The following ROBO2 variants were observed in gnomAD, a reference collection of about 807,000 sequenced individuals.
ROBO2 encodes roundabout guidance receptor 2.
ROBO2 carries 53 observed loss-of-function variants against 160.8 expected under a neutral mutation model. The observed-to-expected ratio is 0.33, with a 90% CI of 0.26 to 0.41. The LOEUF (loss-of-function observed/expected upper bound fraction) is 0.41, where lower values mean the gene tolerates loss of function less well. Among genes scored for constraint, ROBO2 ranks in the 10% least tolerant of loss-of-function variants. The probability of loss-of-function intolerance (pLI) is 1.00; values close to 1 mark genes in which losing one functional copy is unlikely to be tolerated. For missense variants in ROBO2, 1,577 were observed against 1,722.4 expected, an observed-to-expected ratio of 0.92 and a Z score of 1.49; for synonymous variants, 664 against 611.7, an observed-to-expected ratio of 1.09 and a Z score of -1.26.
upstream of ROBO2, among the ~76,000 whole-genome samples, chr3:77,038,751 G>A (rs1043989668): frequency 6.6e-6 from 1 of 152,190 alleles, no homozygotes; most frequent in African/African-American, 2.4e-5. Flanking sequence ...TTGATCTAAC[G>A]TGACCTTCCT....
intron 2 of ROBO2, among the ~76,000 whole-genome samples, chr3:76,070,685 T>C (rs2068423715): frequency 6.6e-6 from 1 of 152,296 alleles, no homozygotes; most frequent in East Asian, 1.9e-4. Context: ...TGCTGGTTTT[T>C]GTGGCTTGTT....
chr3:77,637,074 T>A (rs913328431), intron 24 of ROBO2, among the ~76,000 whole-genome samples: 1 of 152,192 alleles, frequency 6.6e-6, no homozygotes, highest in Non-Finnish European at 1.5e-5. Flanking sequence ...AGGATAAACT[T>A]TTAAAAACTG....
chr3:76,045,736 T>C (rs1328586332), intron 2 of ROBO2, among the ~76,000 whole-genome samples: 1 of 152,042 alleles, frequency 6.6e-6, no homozygotes, highest in African/African-American at 2.4e-5. Context: ...GCCACAGGTT[T>C]ATTTTGGAAA....
chr3:77,028,246 A>G (rs2063096709), intron 2 of ROBO2, among the ~76,000 whole-genome samples: 1 of 152,116 alleles, frequency 6.6e-6, no homozygotes, highest in African/African-American at 2.4e-5. Context: ...TCCACACAGT[A>G]TGTAGTGGAA....
At chr3:76,956,671 T>A (rs958956378) in intron 2 of ROBO2, among the ~76,000 whole-genome samples, 5 of 151,772 alleles carry the variant, frequency 3.3e-5, no homozygotes, top group African/African-American at 1.2e-4. Flanking sequence ...AGGAAGGACA[T>A]GGCAGAGAGA....
At position 75,988,132 on chromosome 3, in the gene ROBO2, A is replaced by G. The variant is rs80050162; in HGVS notation, c.109+50530A>G. The stretch of plus-strand genomic sequence containing the variant: ...TATAGTTCTTCTTTAAATGTTTAGT[A>G]TAATTCAGCAGTGAAGCTGTCAGGT... On this transcript the variant is annotated intron_variant, in intron 2 of 26. Coordinates refer to the ROBO2 transcript ENST00000487694. Among the ~76,000 whole-genome samples, 1,038 of 152,194 alleles carry G rather than the reference A, an allele frequency of 6.8e-3. 68 individuals are homozygous for G. The East Asian group carries it at 0.17, about 25-fold the overall frequency.
intron 2 of ROBO2, among the ~76,000 whole-genome samples, chr3:77,403,395 C>T (rs1334434941): frequency 1.2e-4 from 18 of 152,162 alleles, no homozygotes; most frequent in Admixed American, 1.2e-3. Context: ...CTGTTAACCA[C>T]CATTCTACTC....
At chr3:77,189,800 A>G (rs1380929292) in intron 2 of ROBO2, among the ~76,000 whole-genome samples, 1 of 151,960 alleles carries the variant, frequency 6.6e-6, no homozygotes, top group Non-Finnish European at 1.5e-5. Flanking sequence ...TGCTTTCTAT[A>G]TGCCAGATGC....
At chr3:76,199,112 G>A (rs1282685125) in intron 2 of ROBO2, among the ~76,000 whole-genome samples, 1 of 152,046 alleles carries the variant, frequency 6.6e-6, no homozygotes, top group Admixed American at 6.6e-5. Flanking sequence ...TTTGCAACAG[G>A]CTGTTGCCTC....
chr3:76,781,151 T>A (rs1438984425), intron 2 of ROBO2, among the ~76,000 whole-genome samples: 3 of 150,762 alleles, frequency 2.0e-5, no homozygotes, highest in Admixed American at 6.6e-5. Context: ...AATGAATTCA[T>A]AAGTATTTTA....
intron 2 of ROBO2, among the ~76,000 whole-genome samples, chr3:76,261,205 T>A (rs138499055): frequency 0.3 from 40,977 of 137,140 alleles, 9,175 homozygotes; most frequent in Non-Finnish European, 0.4. Flanking sequence ...TGTGTGTGTA[T>A]ATATATATAT....
intron 2 of ROBO2, among the ~76,000 whole-genome samples, chr3:76,475,861 A>G (rs1488185786): frequency 6.6e-6 from 1 of 152,178 alleles, no homozygotes; most frequent in Non-Finnish European, 1.5e-5. Flanking sequence ...GCTTTTGTCA[A>G]CTTTGCCTTG....
At chr3:77,565,793 G>A (rs560476562) in intron 12 of ROBO2, among the ~76,000 whole-genome samples, 1 of 152,090 alleles carries the variant, frequency 6.6e-6, no homozygotes, top group Non-Finnish European at 1.5e-5. Context: ...CGACTATAAT[G>A]TAAAATACAC....
chr3:77,406,888 T>G (rs912958187), intron 2 of ROBO2, among the ~76,000 whole-genome samples: 1 of 152,226 alleles, frequency 6.6e-6, no homozygotes, highest in Admixed American at 6.5e-5. Context: ...AAAGTTTACA[T>G]TTTAAATTTA....
intron 2 of ROBO2, among the ~76,000 whole-genome samples, chr3:77,251,948 T>G (rs2153302577): frequency 6.6e-6 from 1 of 152,346 alleles, no homozygotes; most frequent in East Asian, 1.9e-4. Context: ...ACTGACAGAC[T>G]TTTTTATTAT....
At chr3:76,346,175 A>C (rs2074516251) in intron 2 of ROBO2, among the ~76,000 whole-genome samples, 2 of 152,210 alleles carry the variant, frequency 1.3e-5, no homozygotes, top group African/African-American at 4.8e-5. Flanking sequence ...TTAAGAATTT[A>C]ATAATCTCTG....
intron 2 of ROBO2, among the ~76,000 whole-genome samples, chr3:76,220,762 C>T (rs1703913358): frequency 6.6e-6 from 1 of 152,144 alleles, no homozygotes; most frequent in Admixed American, 6.5e-5. Flanking sequence ...CACACACACA[C>T]ACACAGACAT....
At chr3:76,580,329 T>TG (rs2085595260) in intron 2 of ROBO2, among the ~76,000 whole-genome samples, 2 of 57,322 alleles carry the variant, frequency 3.5e-5, no homozygotes, top group African/African-American at 9.2e-5. Flanking sequence ...TTTTTTTTTG[T>TG]TTTTTTTTTT....
chr3:77,125,088 T>C (rs2075186461), intron 2 of ROBO2, among the ~76,000 whole-genome samples: 1 of 152,300 alleles, frequency 6.6e-6, no homozygotes, highest in Non-Finnish European at 1.5e-5. Flanking sequence ...ATTTAAATAA[T>C]GGCATGTCCC....
Sources: allele counts gnomAD v4.1 joint callset (sites outside exome capture counted in the v4.1 genomes callset), GRCh38; gene constraint gnomAD v4.1.1; transcripts MANE v1.5; gene names NCBI Gene and HGNC (gene_info 2026-07-23, HGNC 2026-07-21).